PARK7: variants seen among roughly 807,000 people sequenced by gnomAD.
PARK7 encodes Parkinson disease protein 7.
In PARK7, 14 loss-of-function variants were observed where a neutral mutation model predicts 20.5. That is an observed-to-expected ratio of 0.68 (90% CI 0.45 to 1.07). The LOEUF (loss-of-function observed/expected upper bound fraction) is 1.07, where lower values mean the gene tolerates loss of function less well. Ranked by LOEUF, PARK7 falls within the 50% of genes least tolerant of loss-of-function variation. PARK7 has a pLI of 0.00. For synonymous variants in PARK7, 98 were observed against 84.3 expected (o/e 1.16, Z -0.89); for missense variants, 234 against 238.1 (o/e 0.98, Z 0.11).
At chr1:7,978,181 A>G (rs929404076) in intron 6 of PARK7, among the ~76,000 whole-genome samples, 2 of 150,604 alleles carry the variant, frequency 1.3e-5, no homozygotes. Flanking sequence ...ATTTTTTAGT[A>G]GAGATGGGGT....
chr1:7,977,234 C>T (rs146571995), intron 5 of PARK7, among the ~76,000 whole-genome samples: 1 of 152,210 alleles, frequency 6.6e-6, no homozygotes, highest in Admixed American at 6.5e-5. Context: ...GAGAGGTGAG[C>T]ACATTTTGTT....
chr1:7,974,275 G>T (rs1452203216), intron 5 of PARK7, among the ~76,000 whole-genome samples: 1 of 151,614 alleles, frequency 6.6e-6, no homozygotes, highest in African/African-American at 2.4e-5. Flanking sequence ...TTGAGATGTG[G>T]TGATCACACC....
chr1:7,981,207 G>T (rs225094), intron 6 of PARK7, among the ~76,000 whole-genome samples: 151,821 of 152,318 alleles, frequency 1, 75,666 homozygotes, highest in East Asian at 1. Context: ...TTTCCTTAGT[G>T]TCTCTGAGCC....
rs901878551 is a variant in PARK7, at chr1:7,965,305, G to T, written c.91-19G>T. ...TTTATGTTTCAGTGTTCTTAAATAT[G>T]ATAACATCTTTCTCGTAGATTAAGG... On this transcript the variant is annotated intron_variant, in intron 2 of 6. Transcript: ENST00000338639. 102 of 1,599,906 alleles carry T rather than the reference G, an allele frequency of 6.4e-5. No individual in the cohort carries two copies. The highest frequency in any genetic ancestry group is 8.7e-5 in the Non-Finnish European group (102 of 1,167,394).
intron 6 of PARK7, among the ~76,000 whole-genome samples, chr1:7,983,566 G>A (rs57033768): frequency 1.3e-5 from 2 of 152,230 alleles, no homozygotes; most frequent in East Asian, 1.9e-4. Context: ...GTCTCTGTGC[G>A]AAGGCCAGAC....
At chr1:7,973,943 A>C (rs1165690824) in intron 5 of PARK7, among the ~76,000 whole-genome samples, 1 of 151,338 alleles carries the variant, frequency 6.6e-6, no homozygotes, top group Non-Finnish European at 1.5e-5. Flanking sequence ...CATTTGGCTT[A>C]CTGTTTTGTG....
At chr1:7,964,892 G>T (rs901803676) in intron 2 of PARK7, among the ~76,000 whole-genome samples, 1 of 152,212 alleles carries the variant, frequency 6.6e-6, no homozygotes, top group African/African-American at 2.4e-5. Flanking sequence ...ACCCAAACCA[G>T]AACATTTGTG....
intron 2 of PARK7, among the ~76,000 whole-genome samples, chr1:7,963,124 C>T (rs1439364401): frequency 1.3e-5 from 2 of 152,036 alleles, no homozygotes; most frequent in South Asian, 4.2e-4. Flanking sequence ...AGTGCGATGG[C>T]AGGATCTTGG....
Position 7,985,072 on chromosome 1 carries a change from A to G in PARK7, c.*18A>G. ...AAGACTAGAGCAGCGAACTGCGACG[A>G]TCACTTAGAGAAACAGGCCGTTAGG... On this transcript the variant is annotated 3_prime_UTR_variant, in exon 7 of 7. Coordinates refer to ENST00000338639, the MANE Select transcript of PARK7 (RefSeq NM_007262.5). 1.9e-5 allele frequency: 30 copies of G among 1,612,646 alleles called. No homozygotes were observed. Among genetic ancestry groups the G allele is most frequent in the Non-Finnish European group, 2.5e-5 (30 of 1,179,498 alleles).
chr1:7,976,807 G>C (rs1187217047), intron 5 of PARK7, among the ~76,000 whole-genome samples: 3 of 152,172 alleles, frequency 2.0e-5, no homozygotes, highest in Non-Finnish European at 4.4e-5. Context: ...TGAAAGCTCT[G>C]CCTCCCGGGT....
rs535101453 is a variant in PARK7 at position 7,978,529 on chromosome 1, A to G, written c.409+791A>G. Reference sequence around the variant, plus strand: ...TGTCTCAGCCTCCCGAGTAGCTGGGATTACAGGCATGTGCCACCACAAGTT... The same window carrying G: ...TGTCTCAGCCTCCCGAGTAGCTGGGGTTACAGGCATGTGCCACCACAAGTT... On this transcript the variant is annotated intron_variant, in intron 6 of 6. Coordinates refer to ENST00000338639, the MANE Select transcript of PARK7 (RefSeq NM_007262.5). Among the ~76,000 whole-genome samples the G allele has an allele frequency of 1.2e-3, 185 of 151,718 alleles. 2 individuals are homozygous for G. Among genetic ancestry groups the G allele is most frequent in the Admixed American group, 4.5e-3 (69 of 15,224 alleles).
chr1:7,983,804 C>T (rs1037722806), intron 6 of PARK7, among the ~76,000 whole-genome samples: 2 of 152,182 alleles, frequency 1.3e-5, no homozygotes, highest in African/African-American at 2.4e-5. Flanking sequence ...GAAAGGAGAT[C>T]GAGTCAAGAA....
chr1:7,975,424 G>C (rs2151435269), intron 5 of PARK7, among the ~76,000 whole-genome samples: 1 of 152,306 alleles, frequency 6.6e-6, no homozygotes, highest in African/African-American at 2.4e-5. Flanking sequence ...GGAGTTGGCA[G>C]AGGTGGTCAT....
chr1:7,977,350 TG>T (rs1233848683), intron 5 of PARK7, among the ~76,000 whole-genome samples: 2 of 152,252 alleles, frequency 1.3e-5, no homozygotes, highest in African/African-American at 4.8e-5. Context: ...GCAAATCGTT[TG>T]TTATAAACAT....
intron 5 of PARK7, among the ~76,000 whole-genome samples, chr1:7,976,918 C>G (rs1030511979): frequency 2.0e-5 from 3 of 152,108 alleles, no homozygotes; most frequent in Admixed American, 2.0e-4. Context: ...GACAGGGTTC[C>G]AGCGTGTTAG....
At chr1:7,969,630 G>C (rs1640414520) in intron 4 of PARK7, among the ~76,000 whole-genome samples, 1 of 151,848 alleles carries the variant, frequency 6.6e-6, no homozygotes. Context: ...GCCCAGGCTG[G>C]AGTGCAGTGG....
At chr1:7,963,139 T>A (rs76631037) in intron 2 of PARK7, among the ~76,000 whole-genome samples, 2 of 152,090 alleles carry the variant, frequency 1.3e-5, no homozygotes, top group South Asian at 4.1e-4. Flanking sequence ...TCTTGGCTCA[T>A]TTCGGTCTCT....
At chr1:7,977,608 G>T (rs1014168440) in intron 5 of PARK7, 44 bp from the exon 6 acceptor site, 1 of 1,555,826 alleles carries the variant, frequency 6.4e-7, no homozygotes, top group Admixed American at 1.7e-5. Context: ...TTAAACATGG[G>T]CTTTTCTATA....
chr1:7,965,453 C>T, intron 3 of PARK7, 28 bp downstream of exon 3: 1 of 1,560,962 alleles, frequency 6.4e-7, no homozygotes, highest in Non-Finnish European at 8.8e-7. Context: ...GGAGTTATTC[C>T]TTCATATGGC....
Sources: allele counts gnomAD v4.1 joint callset (sites outside exome capture counted in the v4.1 genomes callset), GRCh38; gene constraint gnomAD v4.1.1; transcripts MANE v1.5; gene names NCBI Gene and HGNC (gene_info 2026-07-23, HGNC 2026-07-21).